The following GLRA2 variants were observed in gnomAD, a reference collection of about 807,000 sequenced individuals.
GLRA2 encodes glycine receptor subunit alpha-2.
In GLRA2, 11 loss-of-function variants were observed where a neutral mutation model predicts 31.6. The observed-to-expected ratio is 0.35, with a 90% confidence interval of 0.22 to 0.58. The LOEUF (loss-of-function observed/expected upper bound fraction) is 0.58. Among genes scored for constraint, GLRA2 ranks in the 20% least tolerant of loss-of-function variants. The pLI, the probability that GLRA2 is intolerant of heterozygous loss-of-function variation, is 0.84. For synonymous variants in GLRA2, 132 were observed against 134.0 expected (o/e 0.99, Z 0.10); for missense variants, 212 against 351.8 (o/e 0.60, Z 3.18).
Position 14,562,082 on chromosome X carries a change from C to G in GLRA2, c.203-12251C>G, listed in dbSNP as rs370284143. Among the ~76,000 whole-genome samples, 15 of 112,061 alleles carry G rather than the reference C, an allele frequency of 1.3e-4. No homozygotes were observed. The South Asian group carries it at 3.7e-3, about 28-fold the overall frequency. ...GTCAAATAAGTTTGGGAAATAATGA[C>G]ACACACTATTTATTTTCAGGAACAC... On this transcript the variant is annotated intron_variant, in intron 2 of 8. Transcript: ENST00000218075.
chrX:14,665,839 C>T (rs1258076684), intron 7 of GLRA2, among the ~76,000 whole-genome samples: 1 of 111,568 alleles, frequency 9.0e-6, no homozygotes, highest in Non-Finnish European at 1.9e-5. Flanking sequence ...AAAAGATATT[C>T]CAAGTGGTAA....
intron 2 of GLRA2, among the ~76,000 whole-genome samples, chrX:14,554,384 CACAGAGGA>C (rs1460634098): frequency 1.8e-5 from 2 of 111,616 alleles, no homozygotes; most frequent in Non-Finnish European, 1.9e-5. Flanking sequence ...TTGTGGAAGC[CACAGAGGA>C]ACAGAGGAGG....
intron 2 of GLRA2, among the ~76,000 whole-genome samples, chrX:14,554,150 G>C (rs1485062858): frequency 8.9e-6 from 1 of 112,341 alleles, no homozygotes; most frequent in African/African-American, 3.2e-5. Context: ...AGTCAAATTT[G>C]AGCACTTGTA....
At chrX:14,700,374 TGTAAGGCAAGGCAGA>T (rs2147207789) in intron 8 of GLRA2, among the ~76,000 whole-genome samples, 1 of 109,281 alleles carries the variant, frequency 9.2e-6, no homozygotes, top group Non-Finnish European at 1.9e-5. Context: ...GGGAAGGCAG[TGTAAGGCAAGGCAGA>T]GGGCTGAGGG....
chrX:14,511,016 G>A, the GLRA2 span, among the ~76,000 whole-genome samples: 3 of 110,847 alleles, frequency 2.7e-5, no homozygotes, highest in East Asian at 5.6e-4. Context: ...CCATGCTGGT[G>A]CACTGCACCC....
chrX:14,696,442 G>A (rs1369472593), intron 8 of GLRA2, among the ~76,000 whole-genome samples: 1 of 111,781 alleles, frequency 8.9e-6, no homozygotes, highest in Non-Finnish European at 1.9e-5. Context: ...CTAAGGTTGG[G>A]TTGAGAAAAA....
At chrX:14,624,610 C>T (rs765264724) in intron 7 of GLRA2, among the ~76,000 whole-genome samples, 1 of 111,742 alleles carries the variant, frequency 8.9e-6, no homozygotes, top group Non-Finnish European at 1.9e-5. Flanking sequence ...CATTATTTAC[C>T]CAGTAGTCAT....
intron 8 of GLRA2, among the ~76,000 whole-genome samples, chrX:14,715,897 A>T (rs988271924): frequency 8.9e-6 from 1 of 111,881 alleles, no homozygotes; most frequent in Non-Finnish European, 1.9e-5. Flanking sequence ...ATTCCACTAA[A>T]GTAGAAGGCA....
At chrX:14,727,867 C>G (rs967273765) in intron 8 of GLRA2, among the ~76,000 whole-genome samples, 1 of 111,514 alleles carries the variant, frequency 9.0e-6, no homozygotes, top group Non-Finnish European at 1.9e-5. Flanking sequence ...TCTGAAAGTT[C>G]CATGCAGATA....
chrX:14,529,963 C>A lies in GLRA2; in HGVS notation c.-95C>A. On this transcript the variant is annotated 5_prime_UTR_variant, in exon 1 of 9. Transcript: ENST00000218075. Reference sequence around the variant, plus strand: ...GATTTTCAAGGAAACTAGGTTCCTGCCAAATTTTGAATCTGGACAATAAAC... The same window carrying A: ...GATTTTCAAGGAAACTAGGTTCCTGACAAATTTTGAATCTGGACAATAAAC... 1.4e-6 allele frequency: 1 copy of A among 695,644 alleles called. No homozygotes were observed. Among genetic ancestry groups the A allele is most frequent in the South Asian group, 2.2e-5 (1 of 45,667 alleles). 57.3% of individuals were successfully genotyped at this position (695,644 alleles called of 1,213,427 possible).
chrX:14,634,905 A>G (rs1465554405), intron 7 of GLRA2, among the ~76,000 whole-genome samples: 1 of 112,251 alleles, frequency 8.9e-6, no homozygotes, highest in East Asian at 2.8e-4. Flanking sequence ...CTAAGTTGCA[A>G]TTCTCCACAA....
rs1049857083 is a variant in GLRA2 at position 14,638,319 on chromosome X, A to G, written c.930+29114A>G. Among the ~76,000 whole-genome samples the G allele has an allele frequency of 4.5e-5, 5 of 111,246 alleles. No homozygotes were observed. The Admixed American group carries it at 4.8e-4, about 11-fold the overall frequency. ...AATTATAACTTTTGCCATATCTTCA[A>G]AAAAACCTATTTTCATGGTATTTTT... On this transcript the variant is annotated intron_variant, in intron 7 of 8. Transcript: ENST00000218075.
chrX:14,677,999 G>A (rs1437303705), intron 7 of GLRA2, among the ~76,000 whole-genome samples: 2 of 111,973 alleles, frequency 1.8e-5, no homozygotes. Flanking sequence ...AGAAGCATCC[G>A]TGACCTCAAC....
chrX:14,701,903 G>C (rs1202447135), intron 8 of GLRA2, among the ~76,000 whole-genome samples: 2 of 111,992 alleles, frequency 1.8e-5, no homozygotes, highest in Non-Finnish European at 3.8e-5. Flanking sequence ...GTTTACTGGG[G>C]TAGACAGGCT....
intron 7 of GLRA2, among the ~76,000 whole-genome samples, chrX:14,618,008 C>T (rs1323558241): frequency 1.8e-5 from 2 of 111,854 alleles, no homozygotes; most frequent in Non-Finnish European, 3.8e-5. Context: ...AATAAAATGA[C>T]TGATATTAAC....
the GLRA2 span, among the ~76,000 whole-genome samples, chrX:14,458,712 TG>T: frequency 8.9e-6 from 1 of 111,920 alleles, no homozygotes; most frequent in Non-Finnish European, 1.9e-5. Context: ...CACTTGTTGA[TG>T]GGGTTGTTTG....
chrX:14,717,488 A>G (rs1232525326), intron 8 of GLRA2, among the ~76,000 whole-genome samples: 1 of 108,271 alleles, frequency 9.2e-6, no homozygotes, highest in Admixed American at 1.0e-4. Flanking sequence ...CACTTTTCTA[A>G]CCAGGTCAGG....
chrX:14,672,680 A>G (rs1365292789), intron 7 of GLRA2, among the ~76,000 whole-genome samples: 3 of 112,046 alleles, frequency 2.7e-5, no homozygotes, highest in Non-Finnish European at 3.8e-5. Context: ...AACTAACAAA[A>G]AGTGAGATCA....
the GLRA2 span, among the ~76,000 whole-genome samples, chrX:14,498,610 GA>G: frequency 8.1e-5 from 9 of 110,926 alleles, no homozygotes; most frequent in Non-Finnish European, 1.5e-4. Flanking sequence ...CTTTATGATA[GA>G]AAAAATTGAA....
Sources: allele counts gnomAD v4.1 joint callset (sites outside exome capture counted in the v4.1 genomes callset), GRCh38; gene constraint gnomAD v4.1.1; transcripts MANE v1.5; gene names NCBI Gene and HGNC (gene_info 2026-07-23, HGNC 2026-07-21).